Variants in SGCZ observed in about 807,000 individuals in gnomAD.
SGCZ encodes zeta-sarcoglycan.
Under a neutral mutation model 41.3 loss-of-function variants are expected in SGCZ, and 40 were observed. That is an observed-to-expected ratio of 0.97 (90% confidence interval 0.75 to 1.26). SGCZ has a LOEUF of 1.26. Ranked by LOEUF, SGCZ falls within the 50% of genes most tolerant of loss-of-function variation. The pLI is 0.00. For missense variants in SGCZ, 552 were observed against 369.8 expected (o/e 1.49, Z -4.04); for synonymous variants, 206 against 137.5 (o/e 1.50, Z -3.49).
chr8:14,096,268 A>G (rs1801842730), intron 7 of SGCZ, among the ~76,000 whole-genome samples: 1 of 152,116 alleles, frequency 6.6e-6, no homozygotes, highest in Non-Finnish European at 1.5e-5. Context: ...TTATTTTGAG[A>G]TACATCCCAT....
rs112183971 is a variant in SGCZ, at chr8:14,383,038, G to C, written c.235-58834C>G. On this transcript the variant is annotated intron_variant, in intron 2 of 7. Coordinates refer to ENST00000382080, the MANE Select transcript of SGCZ (RefSeq NM_139167.4). ...TCACACGCCTAGATACAGCCCAATA[G>C]AGATACAGCTCATGTTTTGTTCCCA... is the stretch of plus-strand genomic sequence containing the variant. Among the ~76,000 whole-genome samples, 20 of 152,256 alleles carry C rather than the reference G, an allele frequency of 1.3e-4. 1 individual carries two copies. The highest frequency in any genetic ancestry group is 3.9e-4 in the African/African-American group (16 of 41,558).
intron 1 of SGCZ, among the ~76,000 whole-genome samples, chr8:15,038,358 G>A (rs541904179): frequency 1.3e-5 from 2 of 151,990 alleles, no homozygotes; most frequent in African/African-American, 2.4e-5. Context: ...AATGAGGAAA[G>A]GATGATCTCT....
chr8:14,711,163 T>C (rs1451195834), intron 1 of SGCZ, among the ~76,000 whole-genome samples: 1 of 152,200 alleles, frequency 6.6e-6, no homozygotes, highest in Non-Finnish European at 1.5e-5. Flanking sequence ...CAAGTCACTA[T>C]GGACTTAATG....
At chr8:15,177,199 C>G (rs541667055) in intron 1 of SGCZ, among the ~76,000 whole-genome samples, 1 of 152,046 alleles carries the variant, frequency 6.6e-6, no homozygotes, top group African/African-American at 2.4e-5. Context: ...GACAGAATAG[C>G]GAACATGCCT....
At chr8:14,958,809 T>G (rs1800875914) in intron 1 of SGCZ, among the ~76,000 whole-genome samples, 1 of 152,136 alleles carries the variant, frequency 6.6e-6, no homozygotes, top group African/African-American at 2.4e-5. Flanking sequence ...TGCAACTTAT[T>G]TTTAAATGAA....
At chr8:14,543,615 A>T (rs1161985089) in intron 2 of SGCZ, among the ~76,000 whole-genome samples, 1 of 152,128 alleles carries the variant, frequency 6.6e-6, no homozygotes, top group Non-Finnish European at 1.5e-5. Flanking sequence ...TTTAGGTTTG[A>T]TCACAACAGA....
At chr8:14,267,240 G>C (rs1159448960) in intron 3 of SGCZ, among the ~76,000 whole-genome samples, 2 of 151,918 alleles carry the variant, frequency 1.3e-5, no homozygotes, top group Non-Finnish European at 2.9e-5. Flanking sequence ...TCAAGTGACA[G>C]TTTTAATACT....
At chr8:14,994,863 T>G (rs891112595) in intron 1 of SGCZ, among the ~76,000 whole-genome samples, 1 of 152,232 alleles carries the variant, frequency 6.6e-6, no homozygotes, top group African/African-American at 2.4e-5. Context: ...AGGCATATTG[T>G]GTTGACCCTC....
At chr8:14,115,436 T>C (rs1216475563) in intron 5 of SGCZ, among the ~76,000 whole-genome samples, 1 of 152,058 alleles carries the variant, frequency 6.6e-6, no homozygotes, top group African/African-American at 2.4e-5. Flanking sequence ...TGTCATTTAT[T>C]ACATTTTTAA....
chr8:14,793,307 CT>C (rs1334130639), intron 1 of SGCZ, among the ~76,000 whole-genome samples: 5 of 152,180 alleles, frequency 3.3e-5, no homozygotes, highest in South Asian at 2.1e-4. Flanking sequence ...CCATTCCTGC[CT>C]TTTATAATCC....
At chr8:14,245,160 C>T (rs1056228857) in intron 3 of SGCZ, among the ~76,000 whole-genome samples, 4 of 152,108 alleles carry the variant, frequency 2.6e-5, no homozygotes, top group East Asian at 1.9e-4. Flanking sequence ...AAGGGCATAC[C>T]TGTCTTGTGG....
At chr8:14,541,005 T>A (rs1029997171) in intron 2 of SGCZ, among the ~76,000 whole-genome samples, 1 of 151,012 alleles carries the variant, frequency 6.6e-6, no homozygotes, top group African/African-American at 2.4e-5. Flanking sequence ...TATGTATATA[T>A]AGAGATGAGA....
intron 4 of SGCZ, among the ~76,000 whole-genome samples, chr8:14,168,014 A>C (rs951550400): frequency 2.6e-5 from 4 of 152,214 alleles, no homozygotes; most frequent in African/African-American, 9.6e-5. Context: ...CAAGGAAAAC[A>C]AAACAAAGAT....
intron 1 of SGCZ, among the ~76,000 whole-genome samples, chr8:14,696,380 C>A (rs956076905): frequency 3.9e-5 from 6 of 152,024 alleles, no homozygotes; most frequent in Admixed American, 6.6e-5. Context: ...GCAAGCATGG[C>A]AGAGCGAAAG....
intron 1 of SGCZ, among the ~76,000 whole-genome samples, chr8:15,013,812 A>C (rs1802921877): frequency 6.6e-6 from 1 of 152,224 alleles, no homozygotes; most frequent in Non-Finnish European, 1.5e-5. Flanking sequence ...TACATTTTAC[A>C]AGTTATACTG....
Position 14,242,434 on chromosome 8 carries a change from G to C in SGCZ, c.337-4755C>G, listed in dbSNP as rs546295915. Among the ~76,000 whole-genome samples, 8 of 152,294 alleles carry C rather than the reference G, an allele frequency of 5.3e-5. No individual in the cohort carries two copies. The East Asian group carries it at 1.5e-3, about 29-fold the overall frequency. On this transcript the variant is annotated intron_variant, in intron 3 of 7. Transcript: ENST00000382080. The stretch of plus-strand genomic sequence containing the variant: ...GACAGACAGGGGACCCTGACCATTT[G>C]AGTTCAAGCCCAAAGGCTGCCAAAT...
chr8:14,743,499 A>C (rs1411114911), intron 1 of SGCZ, among the ~76,000 whole-genome samples: 4 of 152,080 alleles, frequency 2.6e-5, no homozygotes, highest in Admixed American at 2.6e-4. Flanking sequence ...ATTATTTTAA[A>C]ATATGAAGTA....
intron 1 of SGCZ, among the ~76,000 whole-genome samples, chr8:15,235,287 A>G (rs1802085494): frequency 2.0e-5 from 3 of 152,232 alleles, no homozygotes; most frequent in African/African-American, 7.2e-5. Flanking sequence ...CGTATTCCAC[A>G]AGTGTAGTCA....
chr8:15,198,463 A>G (rs1480862098), intron 1 of SGCZ, among the ~76,000 whole-genome samples: 1 of 152,202 alleles, frequency 6.6e-6, no homozygotes, highest in South Asian at 2.1e-4. Context: ...GCTATTGAAA[A>G]TTTAGGTTAG....
Sources: allele counts gnomAD v4.1 joint callset (sites outside exome capture counted in the v4.1 genomes callset), GRCh38; gene constraint gnomAD v4.1.1; transcripts MANE v1.5; gene names NCBI Gene and HGNC (gene_info 2026-07-23, HGNC 2026-07-21).